Variants in CARM1 observed in about 807,000 individuals in gnomAD.
CARM1 encodes coactivator associated arginine methyltransferase 1, also known as histone-arginine methyltransferase CARM1.
A neutral mutation model predicts 72.7 loss-of-function variants in CARM1; 14 were observed. That is an observed-to-expected ratio of 0.19 (90% CI 0.13 to 0.30). The LOEUF (loss-of-function observed/expected upper bound fraction) is 0.30, where lower values mean the gene tolerates loss of function less well. Ranked by LOEUF, CARM1 falls within the 10% of genes least tolerant of loss-of-function variation. The probability of loss-of-function intolerance (pLI) is 1.00; values close to 1 mark genes in which losing one functional copy is unlikely to be tolerated. For missense variants in CARM1, 432 were observed against 833.7 expected, an observed-to-expected ratio of 0.52 and a Z score of 5.93; for synonymous variants, 333 against 345.5, an observed-to-expected ratio of 0.96 and a Z score of 0.40.
chr19:10,895,520 A>C (rs947239196), intron 1 of CARM1, among the ~76,000 whole-genome samples: 2 of 152,198 alleles, frequency 1.3e-5, no homozygotes, highest in Non-Finnish European at 2.9e-5. Context: ...GGGGAGGGGA[A>C]GGAGGTGAAC....
rs574124210 is a variant in CARM1, at chr19:10,911,980, G to A, written c.559-204G>A. Among the ~76,000 whole-genome samples, 6 of 152,322 alleles carry A rather than the reference G, an allele frequency of 3.9e-5. No individual in the cohort carries two copies. In the South Asian group the frequency reaches 6.2e-4, roughly 16 times the overall value. ...AGGCCACAGGGTTGGGGCCGAGCGG[G>A]AGCTTCCCCAGGGCTTCTCCTCCCG... is the stretch of plus-strand genomic sequence containing the variant. On this transcript the variant is annotated intron_variant, in intron 4 of 15. Coordinates refer to ENST00000327064, the MANE Select transcript of CARM1 (RefSeq NM_199141.2).
chr19:10,918,496 T>G (rs2074215563), intron 8 of CARM1, among the ~76,000 whole-genome samples: 1 of 152,208 alleles, frequency 6.6e-6, no homozygotes, highest in Non-Finnish European at 1.5e-5. Flanking sequence ...GTGCTGGGAT[T>G]ATAGGCATAA....
At chr19:10,874,824 C>G (rs543550884) in intron 1 of CARM1, among the ~76,000 whole-genome samples, 1 of 152,116 alleles carries the variant, frequency 6.6e-6, no homozygotes, top group African/African-American at 2.4e-5. Context: ...GAGGTTGAGA[C>G]CAGCTTGGCC....
At chr19:10,884,245 G>T (rs2073924070) in intron 1 of CARM1, among the ~76,000 whole-genome samples, 1 of 151,044 alleles carries the variant, frequency 6.6e-6, no homozygotes, top group Non-Finnish European at 1.5e-5. Flanking sequence ...GGAGGCTGAG[G>T]CAGGAGAATC....
At chr19:10,882,438 G>A (rs542651045) in intron 1 of CARM1, among the ~76,000 whole-genome samples, 1 of 152,042 alleles carries the variant, frequency 6.6e-6, no homozygotes, top group South Asian at 2.1e-4. Flanking sequence ...TTCCCTGGTG[G>A]AAAGTGGCCT....
intron 1 of CARM1, among the ~76,000 whole-genome samples, chr19:10,887,777 TTCAAGTGGGCC>T (rs2073952389): frequency 6.6e-6 from 1 of 152,126 alleles, no homozygotes; most frequent in South Asian, 2.1e-4. Context: ...AGGCAGGGAC[TTCAAGTGGGCC>T]TCAGCCCCAG....
At chr19:10,903,564 CTT>C (rs1203997737) in intron 1 of CARM1, among the ~76,000 whole-genome samples, 3,421 of 142,802 alleles carry the variant, frequency 0.024, 86 homozygotes, top group African/African-American at 0.063. Context: ...CCCTAGTTGT[CTT>C]TTTTTTTTTT....
rs2074228193 is a variant in CARM1, at chr19:10,920,059, G to A, written c.1196+93G>A. On this transcript the variant is annotated intron_variant, in intron 10 of 15. Coordinates refer to ENST00000327064, the MANE Select transcript of CARM1 (RefSeq NM_199141.2). The surrounding 1 kb of genome is among the most constrained non-coding windows in gnomAD (Gnocchi z 5.3). ...GCTGGGGGGGTGGAACATGGCTCCA[G>A]GTTCCACCATCCCTTCCAATGGGAG... 1 of 946,466 alleles carries A rather than the reference G, an allele frequency of 1.1e-6. No homozygotes were observed. Among genetic ancestry groups the A allele is most frequent in the African/African-American group, 1.6e-5 (1 of 62,488 alleles). 58.6% of individuals were successfully genotyped at this position (946,466 alleles called of 1,614,324 possible).
chr19:10,917,630 T>G (rs1241823937), intron 8 of CARM1, among the ~76,000 whole-genome samples: 1 of 152,142 alleles, frequency 6.6e-6, no homozygotes, highest in African/African-American at 2.4e-5. Context: ...TCCAATTACG[T>G]GTACAGTGAA....
intron 1 of CARM1, among the ~76,000 whole-genome samples, chr19:10,903,766 G>C (rs985725409): frequency 6.6e-6 from 1 of 151,830 alleles, no homozygotes; most frequent in African/African-American, 2.4e-5. Flanking sequence ...ACAAGGTCTT[G>C]CTCTGTCACC....
At chr19:10,873,397 C>T (rs553860509) in intron 1 of CARM1, among the ~76,000 whole-genome samples, 2 of 151,720 alleles carry the variant, frequency 1.3e-5, no homozygotes, top group Non-Finnish European at 2.9e-5. Context: ...AGTTCGAGAC[C>T]AGCCTGGCCA....
In CARM1 at chr19:10,908,162, C is replaced by G. The variant is rs368094669; in HGVS notation, c.453+17C>G. 407 of 1,562,140 alleles carry G rather than the reference C, an allele frequency of 2.6e-4. No homozygotes were observed. The highest frequency in any genetic ancestry group is 1.2e-3 in the Middle Eastern group (7 of 5,970). ...TACTTCCAGGTGGGTTGTACTCCCC[C>G]TCAGCCAGGCCGCCTCCCCCCGGCA... On this transcript the variant is annotated intron_variant, in intron 3 of 15. Transcript: ENST00000327064.
At chr19:10,887,841 G>A (rs1332758742) in intron 1 of CARM1, among the ~76,000 whole-genome samples, 2 of 152,098 alleles carry the variant, frequency 1.3e-5, no homozygotes, top group Non-Finnish European at 2.9e-5. Flanking sequence ...TCCATTGGAG[G>A]CTGCCTCCGC....
At position 10,920,094 on chromosome 19, in the gene CARM1, G is replaced by A; in HGVS notation, c.1196+128G>A. The A allele has an allele frequency of 1.3e-6, 1 of 745,938 alleles. No homozygotes were observed. The highest frequency in any genetic ancestry group is 2.3e-6 in the Non-Finnish European group (1 of 431,472). The allele number at this position is 745,938 out of a possible 1,614,324, so 46.2% of individuals were successfully genotyped here. On this transcript the variant is annotated intron_variant, in intron 10 of 15. Coordinates refer to ENST00000327064, the MANE Select transcript of CARM1 (RefSeq NM_199141.2). This position sits in a 1 kb window ranked among gnomAD's most constrained non-coding sequence, Gnocchi z 5.3. ...TCCCTTCCAATGGGAGTGAGAGCCT[G>A]TCTCGGAGCAAGAGACTGTTGTGGG...
chr19:10,880,359 T>A (rs959946306), intron 1 of CARM1, among the ~76,000 whole-genome samples: 7 of 151,986 alleles, frequency 4.6e-5, no homozygotes, highest in African/African-American at 1.7e-4. Flanking sequence ...TTTTCTTCTT[T>A]TTTTGAGACA....
chr19:10,907,985 G>A, intron 2 of CARM1, 54 bp from the exon 3 acceptor site: 1 of 1,080,242 alleles, frequency 9.3e-7, no homozygotes. Flanking sequence ...CCTCCCAGAT[G>A]GCCACATGCT....
In CARM1 at chr19:10,910,703, C is replaced by T. The variant is rs966498530; in HGVS notation, c.559-1481C>T. ...GCCTCAGCCTCCTGAGTAGCTGGGA[C>T]TACAGGCGCACACCACCAAGCCCAG... On this transcript the variant is annotated intron_variant, in intron 4 of 15. Coordinates refer to ENST00000327064, the MANE Select transcript of CARM1 (RefSeq NM_199141.2). 8.0e-5 allele frequency among the ~76,000 whole-genome samples: 12 copies of T among 150,432 alleles called. 1 individual carries two copies. Among genetic ancestry groups the T allele is most frequent in the Non-Finnish European group, 1.5e-4 (10 of 67,614 alleles).
chr19:10,883,226 G>C (rs1293347768), intron 1 of CARM1, among the ~76,000 whole-genome samples: 3 of 152,128 alleles, frequency 2.0e-5, no homozygotes, highest in Admixed American at 6.6e-5. Flanking sequence ...CCCAACATAG[G>C]TGAATCCTTG....
intron 1 of CARM1, among the ~76,000 whole-genome samples, chr19:10,879,647 C>T (rs1030632324): frequency 6.6e-6 from 1 of 152,114 alleles, no homozygotes; most frequent in Non-Finnish European, 1.5e-5. Context: ...AATTCTCGCC[C>T]TGTCACCCAG....
Sources: allele counts gnomAD v4.1 joint callset (sites outside exome capture counted in the v4.1 genomes callset), GRCh38; gene constraint gnomAD v4.1.1; non-coding constraint Gnocchi (gnomAD v3.1); transcripts MANE v1.5; gene names NCBI Gene and HGNC (gene_info 2026-07-23, HGNC 2026-07-21).